The following UBA6 variants were observed in gnomAD, a reference collection of about 807,000 sequenced individuals.
UBA6 encodes the protein ubiquitin like modifier activating enzyme 6.
A neutral mutation model predicts 148.3 loss-of-function variants in UBA6; 87 were observed. The ratio of observed to expected loss-of-function variants is 0.59; its 90% CI spans 0.49 to 0.70. The LOEUF is 0.70. Ranked by LOEUF, UBA6 falls within the 30% of genes least tolerant of loss-of-function variation. UBA6 has a pLI of 0.00. For missense variants in UBA6, 1,186 were observed against 1,241.2 expected, an observed-to-expected ratio of 0.96 and a Z score of 0.67; for synonymous variants, 376 against 401.0, an observed-to-expected ratio of 0.94 and a Z score of 0.75.
At chr4:67,666,981 AG>A (rs1199330170) in intron 9 of UBA6, among the ~76,000 whole-genome samples, 1 of 152,234 alleles carries the variant, frequency 6.6e-6, no homozygotes, top group Non-Finnish European at 1.5e-5. Context: ...ATAAATGTTA[AG>A]GAAAAAAAAG....
At position 67,618,595 on chromosome 4, in the gene UBA6, C is replaced by T; in HGVS notation, c.*402G>A. The T allele has an allele frequency of 6.5e-6, 1 of 154,328 alleles. No individual in the cohort carries two copies. Among genetic ancestry groups the T allele is most frequent in the South Asian group, 2.0e-4 (1 of 4,894 alleles). 9.6% of individuals were successfully genotyped at this position (154,328 alleles called of 1,614,324 possible). On this transcript the variant is annotated 3_prime_UTR_variant, in exon 33 of 33. Coordinates refer to ENST00000322244, the MANE Select transcript of UBA6 (RefSeq NM_018227.6). ...ACTATTTGCATAGAAAATCAGTCTT[C>T]AAGACTAAACAAAAAAGAAATTCAT... is the stretch of plus-strand genomic sequence containing the variant.
intron 2 of UBA6, among the ~76,000 whole-genome samples, chr4:67,683,781 G>A (rs911325126): frequency 6.6e-6 from 1 of 151,986 alleles, no homozygotes; most frequent in Non-Finnish European, 1.5e-5. Context: ...TTTCCAAAAT[G>A]GACGTACCAG....
chr4:67,697,077 C>T (rs2109963294), intron 1 of UBA6, among the ~76,000 whole-genome samples: 1 of 152,280 alleles, frequency 6.6e-6, no homozygotes, highest in South Asian at 2.1e-4. Flanking sequence ...ACGATCTTGG[C>T]TTACTGCAAC....
intron 25 of UBA6, 67 bp from the exon 26 acceptor site, chr4:67,630,602 T>C (rs1728975345): frequency 1.0e-6 from 1 of 961,742 alleles, no homozygotes; most frequent in African/African-American, 1.7e-5. Flanking sequence ...TAACTCATTA[T>C]GAACTATAGC....
At chr4:67,676,251 T>C (rs1730278284) in intron 6 of UBA6, among the ~76,000 whole-genome samples, 1 of 152,170 alleles carries the variant, frequency 6.6e-6, no homozygotes. Context: ...CTCGAACTCC[T>C]GACCTTAGGT....
intron 23 of UBA6, 58 bp from the exon 24 acceptor site, chr4:67,631,966 T>C (rs932267242): frequency 5.4e-6 from 8 of 1,473,276 alleles, no homozygotes; most frequent in Non-Finnish European, 6.4e-6. Context: ...GAGGAAAAAT[T>C]AAAAAATAAA....
At chr4:67,679,308 G>A (rs950720408) in intron 4 of UBA6, among the ~76,000 whole-genome samples, 1 of 152,066 alleles carries the variant, frequency 6.6e-6, no homozygotes, top group African/African-American at 2.4e-5. Flanking sequence ...ATAAGTGAAG[G>A]AGGAAACAAG....
At chr4:67,637,841 C>T (rs960255279) in intron 19 of UBA6, among the ~76,000 whole-genome samples, 1 of 151,848 alleles carries the variant, frequency 6.6e-6, no homozygotes, top group African/African-American at 2.4e-5. Flanking sequence ...AACCAGAGAC[C>T]TTTGTTCACT....
chr4:67,645,003 C>A (rs1051929581), intron 16 of UBA6, among the ~76,000 whole-genome samples: 1 of 151,602 alleles, frequency 6.6e-6, no homozygotes, highest in Admixed American at 6.6e-5. Context: ...GAAATAAACA[C>A]AATATAATGT....
chr4:67,673,120 G>A (rs540495801), intron 7 of UBA6, among the ~76,000 whole-genome samples: 2 of 152,102 alleles, frequency 1.3e-5, no homozygotes, highest in Admixed American at 1.3e-4. Flanking sequence ...AATATTCATT[G>A]AATGAACCAC....
rs1244506454 is a variant in UBA6 at position 67,646,715 on chromosome 4, CATT to C, written c.1316+6_1316+8del. On this transcript the variant is annotated splice_donor_region_variant and intron_variant, in intron 15 of 32. Transcript: ENST00000322244. ...CTGTTAGTAAAAGCAAGAGAAATTT[CATT>C]ATTACCGTGGGAGAAATTCTTCACA... 6.3e-7 allele frequency: 1 copy of C among 1,598,836 alleles called. No homozygotes were observed. The highest frequency in any genetic ancestry group is 8.5e-7 in the Non-Finnish European group (1 of 1,172,076).
intron 11 of UBA6, 153 bp downstream of exon 11, chr4:67,663,732 T>G: frequency 3.8e-6 from 2 of 530,594 alleles, no homozygotes. Flanking sequence ...AGAAGTCAAC[T>G]TTAGATATGT....
chr4:67,694,059 T>A (rs913815297), intron 2 of UBA6, among the ~76,000 whole-genome samples: 1 of 150,758 alleles, frequency 6.6e-6, no homozygotes, highest in Non-Finnish European at 1.5e-5. Context: ...CTAAAAAAAA[T>A]ACAAAAATTA....
At chr4:67,625,313 T>C in intron 28 of UBA6, 126 bp from the exon 29 acceptor site, 1 of 725,780 alleles carries the variant, frequency 1.4e-6, no homozygotes, top group Non-Finnish European at 2.0e-6. Flanking sequence ...CTGAGAAACA[T>C]AAGAAAAATT....
intron 29 of UBA6, 21 bp downstream of exon 29, chr4:67,624,973 T>G (rs1400814660): frequency 6.4e-7 from 1 of 1,558,196 alleles, no homozygotes; most frequent in Admixed American, 1.7e-5. Flanking sequence ...AGCATTTTTA[T>G]TCAAGGAATA....
intron 13 of UBA6, among the ~76,000 whole-genome samples, chr4:67,652,098 T>TA (rs1275907762): frequency 6.6e-6 from 1 of 152,138 alleles, no homozygotes; most frequent in Admixed American, 6.5e-5. Flanking sequence ...GACCCTGTGT[T>TA]AAAAAAGCTC....
intron 6 of UBA6, among the ~76,000 whole-genome samples, chr4:67,675,221 A>G (rs1273531872): frequency 2.6e-5 from 4 of 152,204 alleles, no homozygotes; most frequent in East Asian, 3.9e-4. Context: ...TATTCCAGCT[A>G]TATCTATTCA....
At chr4:67,667,382 T>C (rs369819639) in intron 9 of UBA6, among the ~76,000 whole-genome samples, 17 of 152,188 alleles carry the variant, frequency 1.1e-4, no homozygotes, top group Non-Finnish European at 1.8e-4. Flanking sequence ...TGAACCTGTA[T>C]TTAAAATAAT....
chr4:67,655,807 A>C (rs934129140), intron 13 of UBA6, among the ~76,000 whole-genome samples: 1 of 152,230 alleles, frequency 6.6e-6, no homozygotes, highest in Non-Finnish European at 1.5e-5. Context: ...CTAATAAAGA[A>C]GAAAAGAGAG....
Sources: allele counts gnomAD v4.1 joint callset (sites outside exome capture counted in the v4.1 genomes callset), GRCh38; gene constraint gnomAD v4.1.1; transcripts MANE v1.5; gene names NCBI Gene and HGNC (gene_info 2026-07-23, HGNC 2026-07-21).